CUX1: variants seen among roughly 807,000 people sequenced by gnomAD.
CUX1 encodes the protein protein CASP.
CUX1 carries 31 observed loss-of-function variants against 158.8 expected under a neutral mutation model. The observed-to-expected ratio is 0.20, with a 90% confidence interval of 0.15 to 0.26. The LOEUF is 0.26. Ranked by LOEUF, CUX1 falls within the 10% of genes least tolerant of loss-of-function variation. The probability of loss-of-function intolerance (pLI) is 1.00; values close to 1 mark genes in which losing one functional copy is unlikely to be tolerated. For missense variants in CUX1, 1,589 were observed against 2,014.6 expected, an observed-to-expected ratio of 0.79 and a Z score of 4.04; for synonymous variants, 879 against 862.1, an observed-to-expected ratio of 1.02 and a Z score of -0.34.
intron 4 of CUX1, among the ~76,000 whole-genome samples, chr7:102,078,406 G>A (rs1827011351): frequency 6.6e-6 from 1 of 152,116 alleles, no homozygotes; most frequent in Non-Finnish European, 1.5e-5. Flanking sequence ...GAGTTCCTAG[G>A]TAGAAGAAAA....
chr7:101,817,229 C>T, upstream of CUX1: 1 of 984,776 alleles, frequency 1.0e-6, no homozygotes, highest in Non-Finnish European at 1.2e-6. The surrounding 1 kb of genome is among the most constrained non-coding windows in gnomAD (Gnocchi z 4.1). Context: ...GCCGCCGGTC[C>T]GAGCCGCGAT....
Position 102,171,882 on chromosome 7 carries a change from A to G in CUX1, c.828+1332A>G, listed in dbSNP as rs1214672540. On this transcript the variant is annotated intron_variant, in intron 10 of 23. Coordinates refer to ENST00000292535, the MANE Select transcript of CUX1 (RefSeq NM_181552.4). ...CTCATCCTAAGGTTACAATGAGTAC[A>G]TATCAGTTGTAGGAGTCCTTTTATC... Among the ~76,000 whole-genome samples the G allele has an allele frequency of 1.1e-4, 16 of 152,234 alleles. 1 individual carries two copies. The highest frequency in any genetic ancestry group is 2.7e-4 in the African/African-American group (11 of 41,456).
chr7:102,255,774 C>A lies in CUX1; in HGVS notation c.*6732C>A, dbSNP rs191504512. ...TTCAGCAAGACACATTGAAGTGGCA[C>A]GGAGCTGCTTTTGTTTTATAATTCT... On this transcript the variant is annotated 3_prime_UTR_variant, in exon 24 of 24. Coordinates refer to ENST00000292535, the MANE Select transcript of CUX1 (RefSeq NM_181552.4). 3.0e-6 allele frequency: 3 copies of A among 985,264 alleles called. No homozygotes were observed. Among genetic ancestry groups the A allele is most frequent in the Non-Finnish European group, 3.6e-6 (3 of 829,934 alleles). 61.0% of individuals were successfully genotyped at this position (985,264 alleles called of 1,614,324 possible).
At chr7:102,235,889 T>G (rs1205850493) in intron 22 of CUX1, among the ~76,000 whole-genome samples, 1 of 151,738 alleles carries the variant, frequency 6.6e-6, no homozygotes, top group Non-Finnish European at 1.5e-5. Flanking sequence ...GCATCGCCGT[T>G]CTCACCCAAC....
chr7:102,093,919 T>G (rs1554483154), intron 4 of CUX1, among the ~76,000 whole-genome samples: 1 of 152,184 alleles, frequency 6.6e-6, no homozygotes, highest in African/African-American at 2.4e-5. Flanking sequence ...TGTGTCCTCT[T>G]CGCCTCCTCC....
chr7:102,206,734 T>C (rs1795987283), intron 20 of CUX1, among the ~76,000 whole-genome samples: 1 of 152,074 alleles, frequency 6.6e-6, no homozygotes, highest in South Asian at 2.1e-4. Flanking sequence ...CCGTCTCTAC[T>C]AAAGATACAA....
At chr7:102,194,247 G>T in intron 13 of CUX1, 1 of 244,098 alleles carries the variant, frequency 4.1e-6, no homozygotes, top group Non-Finnish European at 7.9e-6. Flanking sequence ...TAACTGAAGT[G>T]AAATTGTGAT....
intron 1 of CUX1, among the ~76,000 whole-genome samples, chr7:101,861,027 C>T (rs1291927728): frequency 3.3e-5 from 5 of 152,178 alleles, no homozygotes; most frequent in Non-Finnish European, 7.3e-5. Flanking sequence ...AAGCGATCCT[C>T]TTGCCTCAGG....
chr7:102,103,470 AC>A (rs1830004918), intron 5 of CUX1, among the ~76,000 whole-genome samples: 1 of 151,220 alleles, frequency 6.6e-6, no homozygotes, highest in East Asian at 1.9e-4. Context: ...ACACTCTGTC[AC>A]CCAGGTTGGA....
chr7:102,262,383 G>GC (rs1790460117), downstream of CUX1, among the ~76,000 whole-genome samples: 1 of 147,740 alleles, frequency 6.8e-6, no homozygotes. Flanking sequence ...GGGCGACAAA[G>GC]CAAGACTCCA....
intron 3 of CUX1, among the ~76,000 whole-genome samples, chr7:102,068,310 G>A (rs1448652804): frequency 1.3e-5 from 2 of 151,748 alleles, no homozygotes; most frequent in Non-Finnish European, 2.9e-5. Context: ...TTTGTAGATA[G>A]CTCATTATTT....
intron 2 of CUX1, among the ~76,000 whole-genome samples, chr7:101,958,479 CTTTTTTTT>C (rs11433173): frequency 1.8e-5 from 2 of 112,106 alleles, no homozygotes; most frequent in Non-Finnish European, 3.4e-5. Flanking sequence ...ATTTTCTTTT[CTTTTTTTT>C]TTTTTTTTTT....
intron 2 of CUX1, among the ~76,000 whole-genome samples, chr7:102,011,828 T>A (rs952195275): frequency 6.6e-6 from 1 of 152,126 alleles, no homozygotes; most frequent in African/African-American, 2.4e-5. Context: ...CACTTGAATT[T>A]ATTTTTTTAT....
At chr7:102,134,902 TA>T (rs1833727349) in intron 8 of CUX1, among the ~76,000 whole-genome samples, 1 of 152,164 alleles carries the variant, frequency 6.6e-6, no homozygotes, top group African/African-American at 2.4e-5. Flanking sequence ...GGTCCCTATT[TA>T]TTTTACTCTT....
At chr7:102,272,072 C>T (rs1184580960) in intron 14 of CUX1, among the ~76,000 whole-genome samples, 3 of 152,210 alleles carry the variant, frequency 2.0e-5, no homozygotes, top group African/African-American at 7.2e-5. Context: ...AGGCGAGACT[C>T]TGGTGTGAGC....
chr7:101,995,688 A>G (rs1365797260), intron 2 of CUX1, among the ~76,000 whole-genome samples: 1 of 152,190 alleles, frequency 6.6e-6, no homozygotes, highest in Admixed American at 6.5e-5. Flanking sequence ...GAAGCATCCA[A>G]ACATCGGCTG....
At chr7:101,902,158 C>T (rs926762569) in intron 1 of CUX1, among the ~76,000 whole-genome samples, 1 of 152,148 alleles carries the variant, frequency 6.6e-6, no homozygotes, top group Non-Finnish European at 1.5e-5. Context: ...GAGATGGTGG[C>T]ATGGTGTTCT....
At chr7:101,895,979 G>A (rs866178888) in intron 1 of CUX1, among the ~76,000 whole-genome samples, 2 of 138,160 alleles carry the variant, frequency 1.4e-5, no homozygotes, top group South Asian at 2.3e-4. Flanking sequence ...GCACAATCAC[G>A]GCTAATTGCG....
Position 102,058,795 on chromosome 7 carries a change from C to G in CUX1, c.190-11544C>G, listed in dbSNP as rs188006659. Among the ~76,000 whole-genome samples the G allele has an allele frequency of 3.3e-5, 5 of 152,290 alleles. No individual in the cohort carries two copies. In the East Asian group the frequency reaches 7.7e-4, roughly 23 times the overall value. On this transcript the variant is annotated intron_variant, in intron 3 of 23. Coordinates refer to ENST00000292535, the MANE Select transcript of CUX1 (RefSeq NM_181552.4). ...ATCCCCTAGGAAGCCTGCCCCACTC[C>G]CCCACCGGGATTTACCCGAGGGAGG...
Sources: gnomAD v4.1 joint callset for allele counts (sites outside exome capture counted in the v4.1 genomes callset) on GRCh38, gnomAD v4.1.1 for gene constraint, Gnocchi (gnomAD v3.1) non-coding constraint, MANE v1.5 for transcripts, NCBI Gene and HGNC (gene_info 2026-07-23, HGNC 2026-07-21) for gene names.